Variants in OSBPL9 observed in about 807,000 individuals in gnomAD.
The protein encoded by OSBPL9 is oxysterol binding protein like 9.
In OSBPL9, 40 loss-of-function variants were observed where a neutral mutation model predicts 106.6. The observed-to-expected ratio is 0.38, with a 90% CI of 0.29 to 0.49. The LOEUF is 0.49. OSBPL9 is among the 20% of genes least tolerant of loss of function. The pLI is 0.97. For missense variants in OSBPL9, 609 were observed against 887.2 expected (o/e 0.69, Z 3.98); for synonymous variants, 269 against 295.4 (o/e 0.91, Z 0.92).
chr1:51,702,283 A>G (rs1338424548), intron 3 of OSBPL9, among the ~76,000 whole-genome samples: 3 of 152,078 alleles, frequency 2.0e-5, no homozygotes, highest in Non-Finnish European at 2.9e-5. Flanking sequence ...AAGTGTTTCT[A>G]TTTCTCCACA....
At chr1:51,695,704 A>G (rs1319826639) in intron 3 of OSBPL9, among the ~76,000 whole-genome samples, 6 of 152,158 alleles carry the variant, frequency 3.9e-5, no homozygotes, top group Middle Eastern at 3.2e-3. Context: ...TTTAGGTGCT[A>G]TGTCGTTGTG....
At chr1:51,713,021 A>C (rs72663128) in intron 3 of OSBPL9, among the ~76,000 whole-genome samples, 2,430 of 152,330 alleles carry the variant, frequency 0.016, 28 homozygotes, top group Non-Finnish European at 0.023. Flanking sequence ...CCCACAGAGA[A>C]GTTGTTTGGG....
chr1:51,580,901 T>C (rs574987297), intron 1 of OSBPL9, among the ~76,000 whole-genome samples: 2 of 148 alleles, frequency 0.014, no homozygotes, highest in Non-Finnish European at 0.021. Context: ...ATTATATATA[T>C]ATATATATAT....
intron 1 of OSBPL9, among the ~76,000 whole-genome samples, chr1:51,618,294 C>T (rs1198207946): frequency 3.3e-5 from 5 of 152,176 alleles, no homozygotes; most frequent in Admixed American, 2.0e-4. Flanking sequence ...ACTGGGATTA[C>T]AGACGTGAGC....
At chr1:51,595,737 T>C (rs1311469008) in intron 1 of OSBPL9, among the ~76,000 whole-genome samples, 1 of 152,192 alleles carries the variant, frequency 6.6e-6, no homozygotes, top group African/African-American at 2.4e-5. Context: ...GATTATTGTA[T>C]TATGTGCTAA....
intron 4 of OSBPL9, among the ~76,000 whole-genome samples, chr1:51,735,044 C>T (rs774760121): frequency 6.6e-6 from 1 of 152,172 alleles, no homozygotes; most frequent in Non-Finnish European, 1.5e-5. Context: ...TTCTCTCTTC[C>T]GTGCTCTAGG....
chr1:51,674,065 CTT>C (rs199650810), intron 3 of OSBPL9, among the ~76,000 whole-genome samples: 16 of 133,058 alleles, frequency 1.2e-4, no homozygotes, highest in East Asian at 4.2e-4. Context: ...TCTTCTTCTT[CTT>C]TTTTTTTTTT....
intron 4 of OSBPL9, among the ~76,000 whole-genome samples, chr1:51,719,228 C>A (rs182602951): frequency 1.1e-4 from 16 of 152,292 alleles, no homozygotes; most frequent in Non-Finnish European, 1.9e-4. Flanking sequence ...TTCATCCTTT[C>A]GGCTCTTATG....
At chr1:51,559,639 T>A in the OSBPL9 span, among the ~76,000 whole-genome samples, 2 of 152,212 alleles carry the variant, frequency 1.3e-5, no homozygotes, top group African/African-American at 4.8e-5. Context: ...CTTCAAATAC[T>A]AAGGTTTGCC....
chr1:51,728,817 G>A (rs1480129566), intron 4 of OSBPL9, among the ~76,000 whole-genome samples: 2 of 152,254 alleles, frequency 1.3e-5, no homozygotes, highest in African/African-American at 2.4e-5. Context: ...GAGCCACCGC[G>A]CCTGGCCAGC....
At chr1:51,664,551 G>A (rs1307308118) in intron 2 of OSBPL9, among the ~76,000 whole-genome samples, 4 of 152,068 alleles carry the variant, frequency 2.6e-5, no homozygotes, top group Non-Finnish European at 5.9e-5. Flanking sequence ...TTAGCCGGGC[G>A]TGTGGTGATG....
chr1:51,639,829 T>G (rs978279902), intron 1 of OSBPL9, among the ~76,000 whole-genome samples: 6 of 138,760 alleles, frequency 4.3e-5, no homozygotes, highest in Admixed American at 2.1e-4. Context: ...TTTTTTTTTT[T>G]TTTTTTTTTT....
intron 4 of OSBPL9, chr1:51,744,989 C>T (rs1379127956): frequency 1.3e-5 from 2 of 154,206 alleles, no homozygotes; most frequent in African/African-American, 4.8e-5. Context: ...TTGTTACTTT[C>T]ACTTAGAGAG....
At chr1:51,753,825 G>T (rs1348763163) in intron 8 of OSBPL9, among the ~76,000 whole-genome samples, 1 of 152,110 alleles carries the variant, frequency 6.6e-6, no homozygotes, top group Non-Finnish European at 1.5e-5. Flanking sequence ...CTGCATATTG[G>T]AGTCATTTGG....
chr1:51,586,681 C>T (rs1645249434), intron 1 of OSBPL9, among the ~76,000 whole-genome samples: 1 of 152,200 alleles, frequency 6.6e-6, no homozygotes, highest in African/African-American at 2.4e-5. Flanking sequence ...TCCTACCAGC[C>T]AGGCCCCAGG....
the OSBPL9 span, among the ~76,000 whole-genome samples, chr1:51,533,217 C>T: frequency 6.6e-6 from 1 of 152,048 alleles, no homozygotes; most frequent in African/African-American, 2.4e-5. Context: ...TGTAGTGGCT[C>T]ACGCCTGTAA....
At chr1:51,539,374 T>C in the OSBPL9 span, among the ~76,000 whole-genome samples, 1 of 152,292 alleles carries the variant, frequency 6.6e-6, no homozygotes, top group East Asian at 1.9e-4. Context: ...TCCAAAATTA[T>C]GTGAAATTAG....
rs79651224 is a variant in OSBPL9, at chr1:51,752,647, C to A, written c.543+2452C>A. ...CTGGAAGCCAGAAGTCCAAGATCAA[C>A]ATTCTGGCCTGTTCAGTTTCTGATG... On this transcript the variant is annotated intron_variant, in intron 8 of 23. Transcript: ENST00000428468. The A allele has an allele frequency of 1.4e-4, 62 of 436,816 alleles. No individual in the cohort carries two copies. In the East Asian group the frequency reaches 3.1e-3, roughly 22 times the overall value. The allele number at this position is 436,816 out of a possible 1,614,324, so 27.1% of individuals were successfully genotyped here.
intron 2 of OSBPL9, among the ~76,000 whole-genome samples, chr1:51,654,192 C>G (rs1646686911): frequency 1.3e-5 from 2 of 152,256 alleles, no homozygotes; most frequent in South Asian, 4.1e-4. Context: ...TTTGGCAAGA[C>G]TGTAGGTGGT....
Sources: gnomAD v4.1 joint callset for allele counts (sites outside exome capture counted in the v4.1 genomes callset) on GRCh38, gnomAD v4.1.1 for gene constraint, MANE v1.5 for transcripts, NCBI Gene and HGNC (gene_info 2026-07-23, HGNC 2026-07-21) for gene names.